Variants in PALD1 observed in about 807,000 individuals in gnomAD.
PALD1 encodes the protein phosphatase domain containing paladin 1, also known as paladin.
Under a neutral mutation model 96.0 loss-of-function variants are expected in PALD1, and 57 were observed. That is an observed-to-expected ratio of 0.59 (90% CI 0.48 to 0.74). PALD1 has a LOEUF of 0.74. Among genes scored for constraint, PALD1 ranks in the 30% least tolerant of loss-of-function variants. PALD1 has a pLI of 0.00. For missense variants in PALD1, 1,063 were observed against 1,143.7 expected, an observed-to-expected ratio of 0.93 and a Z score of 1.02; for synonymous variants, 464 against 473.6, an observed-to-expected ratio of 0.98 and a Z score of 0.26.
chr10:70,473,002 CAGAG>C, the PALD1 span, among the ~76,000 whole-genome samples: 1 of 152,196 alleles, frequency 6.6e-6, no homozygotes, highest in Non-Finnish European at 1.5e-5. Context: ...AACTGAGGCT[CAGAG>C]AGACATTAAG....
intron 1 of PALD1, among the ~76,000 whole-genome samples, chr10:70,499,002 A>G (rs1035136460): frequency 6.6e-6 from 1 of 152,076 alleles, no homozygotes; most frequent in African/African-American, 2.4e-5. Context: ...GAGTGGCAAT[A>G]AATAGCATTT....
At chr10:70,495,653 C>T (rs551928068) in intron 1 of PALD1, among the ~76,000 whole-genome samples, 9 of 152,058 alleles carry the variant, frequency 5.9e-5, no homozygotes, top group East Asian at 5.8e-4. Context: ...AGGGCATAAG[C>T]GTTTTCTCTA....
intron 2 of PALD1, 40 bp downstream of exon 2, chr10:70,526,176 A>G: frequency 3.8e-6 from 6 of 1,568,360 alleles, no homozygotes; most frequent in Non-Finnish European, 5.3e-6. Context: ...CCTGGGAGAC[A>G]TGATGGGCGG....
intron 1 of PALD1, among the ~76,000 whole-genome samples, chr10:70,499,957 G>A (rs1180936505): frequency 6.6e-6 from 1 of 152,220 alleles, no homozygotes; most frequent in African/African-American, 2.4e-5. Context: ...CGCTCCAGCT[G>A]TGACACTCAG....
At chr10:70,469,537 C>T in the PALD1 span, among the ~76,000 whole-genome samples, 2 of 152,180 alleles carry the variant, frequency 1.3e-5, no homozygotes, top group East Asian at 1.9e-4. Context: ...TAGAGGTGAG[C>T]GGGCTGATAA....
the PALD1 span, among the ~76,000 whole-genome samples, chr10:70,469,994 A>T: frequency 6.6e-6 from 1 of 152,202 alleles, no homozygotes; most frequent in South Asian, 2.1e-4. Context: ...GGGTTTCACC[A>T]TGTTGTCCAG....
chr10:70,557,202 C>T (rs1483627326), intron 18 of PALD1, among the ~76,000 whole-genome samples: 1 of 152,186 alleles, frequency 6.6e-6, no homozygotes, highest in Non-Finnish European at 1.5e-5. Flanking sequence ...CCTGTTTTTC[C>T]ATCTGTCACC....
chr10:70,460,925 T>C, the PALD1 span, among the ~76,000 whole-genome samples: 1 of 152,094 alleles, frequency 6.6e-6, no homozygotes, highest in Non-Finnish European at 1.5e-5. Flanking sequence ...CGTGGTGGCA[T>C]GCGCCTGTAA....
At chr10:70,496,563 G>A (rs985450465) in intron 1 of PALD1, among the ~76,000 whole-genome samples, 2 of 152,248 alleles carry the variant, frequency 1.3e-5, no homozygotes, top group African/African-American at 4.8e-5. Flanking sequence ...CATCAGCCCT[G>A]AGGGAGTCAC....
chr10:70,561,954 G>T (rs1166018529), intron 18 of PALD1, among the ~76,000 whole-genome samples: 1 of 152,222 alleles, frequency 6.6e-6, no homozygotes, highest in African/African-American at 2.4e-5. Flanking sequence ...TCCAGGCACG[G>T]AGGGCAGGGC....
At chr10:70,463,216 A>G in the PALD1 span, among the ~76,000 whole-genome samples, 4 of 152,184 alleles carry the variant, frequency 2.6e-5, no homozygotes, top group South Asian at 2.1e-4. Flanking sequence ...CATCCTGGCT[A>G]ACACGGTGAA....
intron 8 of PALD1, 81 bp downstream of exon 8, chr10:70,534,154 C>G (rs527919391): frequency 7.1e-7 from 1 of 1,404,828 alleles, no homozygotes; most frequent in African/African-American, 1.4e-5. Context: ...GGGGACATGT[C>G]TAGGAGCCCA....
At chr10:70,513,467 A>G (rs1308480156) in intron 1 of PALD1, among the ~76,000 whole-genome samples, 1 of 152,164 alleles carries the variant, frequency 6.6e-6, no homozygotes, top group African/African-American at 2.4e-5. Context: ...CCGAGATTGC[A>G]CCACTGCCCT....
intron 18 of PALD1, among the ~76,000 whole-genome samples, chr10:70,555,873 C>T (rs1847599196): frequency 6.6e-6 from 1 of 152,166 alleles, no homozygotes. Context: ...AGGTGGCGGT[C>T]ACCTGTAGTC....
chr10:70,566,604 C>T lies in PALD1; in HGVS notation c.2442C>T (p.Tyr814=), dbSNP rs769276686. The stretch of plus-strand genomic sequence containing the variant: ...AGGTGGCATCGAAGGCTGGCATCTA[C>T]GAGATCCTTAACGAGCTGGGCTTCC... ...MQEVASKAGI[Y]EILNELGFPE... The change falls in exon 20 of 20, where the codon TAC becomes TAT. Residue 814 remains tyrosine (Y), a synonymous_variant. Coordinates refer to ENST00000263563, the MANE Select transcript of PALD1 (RefSeq NM_014431.3). The T allele has an allele frequency of 2.2e-5, 36 of 1,611,094 alleles. No homozygotes were observed. Among genetic ancestry groups the T allele is most frequent in the East Asian group, 4.5e-5 (2 of 44,784 alleles).
At chr10:70,520,295 G>GC (rs112846783) in intron 1 of PALD1, among the ~76,000 whole-genome samples, 13,913 of 152,232 alleles carry the variant, frequency 0.091, 1,501 homozygotes, top group African/African-American at 0.26. Flanking sequence ...CTGCACCCTG[G>GC]AAGGACAAAG....
intron 18 of PALD1, among the ~76,000 whole-genome samples, chr10:70,554,918 TCCCCTCCCCCTCCTCCCCC>T (rs1847563894): frequency 3.6e-5 from 1 of 27,962 alleles, no homozygotes; most frequent in African/African-American, 1.5e-4. Context: ...TCCCCTCTCC[TCCCCTCCCCCTCCTCCCCC>T]TCCCCTCCCC....
intron 18 of PALD1, among the ~76,000 whole-genome samples, chr10:70,556,403 C>A (rs1254571404): frequency 6.6e-6 from 1 of 152,058 alleles, no homozygotes; most frequent in Non-Finnish European, 1.5e-5. Context: ...GTAGCCTCAA[C>A]CTCCTAGGTT....
In PALD1 at chr10:70,532,774, A is replaced by C. The variant is rs748858432; in HGVS notation, c.787A>C (p.Thr263Pro). ...VYKRPLFLQP[T>P]YRYHRLPLPE... Reference sequence around the variant, plus strand: ...CAAGCGGCCCCTCTTCCTGCAGCCCACCTACAGGTACCACAGGGCCACCCC... The same window carrying C: ...CAAGCGGCCCCTCTTCCTGCAGCCCCCCTACAGGTACCACAGGGCCACCCC... Residue 263 changes from threonine to proline, a missense_variant, in exon 6 of 20, where the codon ACC (threonine) becomes CCC (proline). Physicochemically the swap from Thr to Pro is conservative, Grantham distance 38. Coordinates refer to ENST00000263563, the MANE Select transcript of PALD1 (RefSeq NM_014431.3). 2.2e-5 allele frequency: 36 copies of C among 1,613,762 alleles called. No homozygotes were observed. The highest frequency in any genetic ancestry group is 2.9e-5 in the Non-Finnish European group (34 of 1,179,900).
Sources: allele counts gnomAD v4.1 joint callset (sites outside exome capture counted in the v4.1 genomes callset), GRCh38; gene constraint gnomAD v4.1.1; transcripts MANE v1.5; gene names NCBI Gene and HGNC (gene_info 2026-07-23, HGNC 2026-07-21).